The following EML6 variants were observed in gnomAD, a reference collection of about 807,000 sequenced individuals.
EML6 encodes echinoderm microtubule-associated protein-like 6.
A neutral mutation model predicts 240.1 loss-of-function variants in EML6; 154 were observed. That is an observed-to-expected ratio of 0.64 (90% CI 0.56 to 0.73). The LOEUF (loss-of-function observed/expected upper bound fraction) is 0.73, where lower values mean the gene tolerates loss of function less well. Among genes scored for constraint, EML6 ranks in the 30% least tolerant of loss-of-function variants. The pLI is 0.00. For synonymous variants in EML6, 1,148 were observed against 899.0 expected, an observed-to-expected ratio of 1.28 and a Z score of -4.95; for missense variants, 2,964 against 2,474.6, an observed-to-expected ratio of 1.20 and a Z score of -4.20.
In EML6 at chr2:54,903,423, C is replaced by G; in HGVS notation, c.3330C>G (p.Tyr1110Ter). 6.4e-7 allele frequency: 1 copy of G among 1,551,764 alleles called. No individual in the cohort carries two copies. The highest frequency in any genetic ancestry group is 1.7e-4 in the Middle Eastern group (1 of 5,992). Residue 1110 changes from tyrosine to a stop codon, truncating the protein, a stop_gained, in exon 24 of 42, where the codon TAC becomes TAG. Coordinates refer to ENST00000356458, the MANE Select transcript of EML6 (RefSeq NM_001039753.4). LOFTEE classifies it high-confidence loss of function. The part of the protein sequence containing the change: ...VASHDNFVDI[Y>*]NVLTSKRVGI... The stretch of plus-strand genomic sequence containing the variant: ...CCCATGATAACTTTGTGGATATTTA[C>G]AACGTACTTACAAGCAAAAGGGTTG...
chr2:54,836,531 G>T (rs949300143), intron 7 of EML6, among the ~76,000 whole-genome samples: 3 of 152,298 alleles, frequency 2.0e-5, no homozygotes, highest in African/African-American at 7.2e-5. Context: ...AGGATGACCT[G>T]CAGCCCCAGC....
rs1558674025 is a variant in EML6, at chr2:54,907,941, TAGA to T, written c.3410-3012_3410-3010del. Among the ~76,000 whole-genome samples, 215 of 26,136 alleles carry T rather than the reference TAGA, an allele frequency of 8.2e-3. 2 individuals are homozygous for T. Among genetic ancestry groups the T allele is most frequent in the Non-Finnish European group, 0.015 (169 of 10,968 alleles). 17.1% of individuals were successfully genotyped at this position (26,136 alleles called of 152,430 possible). A position where few individuals can be genotyped will look rare whatever the true frequency, so the allele number is the denominator to read the frequency against. On this transcript the variant is annotated intron_variant, in intron 24 of 41. Transcript: ENST00000356458. ...ATAGATAGATAGATAGATAGATAGA[TAGA>T]TAAGATAGATAGATAGATAGATAGA...
chr2:54,899,824 G>A (rs1672962099), intron 22 of EML6, 42 bp downstream of exon 22: 1 of 1,512,018 alleles, frequency 6.6e-7, no homozygotes, highest in East Asian at 2.5e-5. Flanking sequence ...GTATTTACAA[G>A]TAACAGAATG....
chr2:54,938,360 T>TA (rs1053233791), intron 28 of EML6, among the ~76,000 whole-genome samples: 7 of 152,270 alleles, frequency 4.6e-5, no homozygotes, highest in African/African-American at 1.7e-4. Context: ...AAGCTATAGA[T>TA]ACAGTTACAT....
At chr2:54,835,652 GT>G (rs1669101892) in intron 7 of EML6, among the ~76,000 whole-genome samples, 1 of 152,120 alleles carries the variant, frequency 6.6e-6, no homozygotes, top group African/African-American at 2.4e-5. Context: ...GCTTATTACT[GT>G]TTTTACTCCT....
intron 2 of EML6, among the ~76,000 whole-genome samples, chr2:54,771,670 G>T (rs923730676): frequency 6.6e-6 from 1 of 152,218 alleles, no homozygotes; most frequent in Admixed American, 6.5e-5. Context: ...GTGAACACAC[G>T]CAGACACATA....
intron 2 of EML6, among the ~76,000 whole-genome samples, chr2:54,812,695 G>T (rs1667909014): frequency 6.6e-6 from 1 of 152,104 alleles, no homozygotes; most frequent in South Asian, 2.1e-4. Context: ...TATGTAAAAT[G>T]GAAACTTTAA....
chr2:54,838,268 G>A (rs1280678534), intron 7 of EML6, among the ~76,000 whole-genome samples: 1 of 152,130 alleles, frequency 6.6e-6, no homozygotes, highest in Non-Finnish European at 1.5e-5. Context: ...GAAAGATCCT[G>A]ACCTAGCACA....
intron 17 of EML6, among the ~76,000 whole-genome samples, chr2:54,890,097 G>A (rs1672386632): frequency 6.6e-6 from 1 of 152,170 alleles, no homozygotes; most frequent in South Asian, 2.1e-4. Context: ...TAAATCATGG[G>A]TGACTGTTAG....
chr2:54,885,286 A>C (rs1021622994), intron 17 of EML6, among the ~76,000 whole-genome samples: 1 of 151,890 alleles, frequency 6.6e-6, no homozygotes, highest in African/African-American at 2.4e-5. Flanking sequence ...TCTCTACTAA[A>C]AATATAAAAA....
At chr2:54,918,209 C>T (rs1378121602) in intron 26 of EML6, among the ~76,000 whole-genome samples, 2 of 152,112 alleles carry the variant, frequency 1.3e-5, no homozygotes. Flanking sequence ...ATTTTCTCTC[C>T]CTTGCAGCAT....
chr2:54,813,484 A>G (rs1667951371), intron 3 of EML6, 93 bp downstream of exon 3: 1 of 1,103,836 alleles, frequency 9.1e-7, no homozygotes, highest in Non-Finnish European at 1.3e-6. Flanking sequence ...AAGTCCATCA[A>G]CCCTTGCTGG....
At chr2:54,895,722 G>T (rs1672727332) in intron 21 of EML6, among the ~76,000 whole-genome samples, 1 of 152,188 alleles carries the variant, frequency 6.6e-6, no homozygotes, top group Non-Finnish European at 1.5e-5. Flanking sequence ...ATTTTTCCAA[G>T]CTCACTCATG....
At chr2:54,861,099 CT>C (rs1390788407) in intron 12 of EML6, among the ~76,000 whole-genome samples, 3 of 152,246 alleles carry the variant, frequency 2.0e-5, no homozygotes, top group Non-Finnish European at 2.9e-5. Flanking sequence ...ACTTGATGGC[CT>C]GCCATCAAAT....
chr2:54,819,496 G>A (rs1458333091), intron 4 of EML6, among the ~76,000 whole-genome samples: 5 of 152,176 alleles, frequency 3.3e-5, no homozygotes, highest in African/African-American at 1.2e-4. Flanking sequence ...ATGACAAATA[G>A]GCCGGGCACG....
At chr2:54,762,281 C>G (rs1023110989) in intron 2 of EML6, among the ~76,000 whole-genome samples, 6 of 152,032 alleles carry the variant, frequency 3.9e-5, no homozygotes, top group African/African-American at 1.4e-4. Context: ...GCATGTTTGG[C>G]TGGAGTACCT....
At chr2:54,916,632 C>T in intron 25 of EML6, 127 bp from the exon 26 acceptor site, 1 of 640,022 alleles carries the variant, frequency 1.6e-6, no homozygotes, top group Non-Finnish European at 2.5e-6. Flanking sequence ...AATTTGTGTA[C>T]CTCAGCACTC....
chr2:54,887,912 C>T (rs147197179), intron 17 of EML6, among the ~76,000 whole-genome samples: 2 of 152,330 alleles, frequency 1.3e-5, no homozygotes, highest in Non-Finnish European at 2.9e-5. Context: ...CCTACCTTGA[C>T]ATATCATTAT....
At chr2:54,852,326 A>G (rs1670135276) in intron 10 of EML6, among the ~76,000 whole-genome samples, 1 of 152,222 alleles carries the variant, frequency 6.6e-6, no homozygotes, top group African/African-American at 2.4e-5. Context: ...CAAATTCTTC[A>G]GTGTACCATT....
Sources: gnomAD v4.1 joint callset for allele counts (sites outside exome capture counted in the v4.1 genomes callset) on GRCh38, gnomAD v4.1.1 for gene constraint, MANE v1.5 for transcripts, NCBI Gene and HGNC (gene_info 2026-07-23, HGNC 2026-07-21) for gene names.